Variants in DGKH observed in about 807,000 individuals in gnomAD.
The protein encoded by DGKH is diacylglycerol kinase eta, also known as DAG kinase eta.
Under a neutral mutation model 159.3 loss-of-function variants are expected in DGKH, and 90 were observed. That is an observed-to-expected ratio of 0.57 (90% CI 0.48 to 0.67). DGKH has a LOEUF of 0.67. DGKH is among the 30% of genes least tolerant of loss of function. DGKH has a pLI of 0.00. For synonymous variants in DGKH, 536 were observed against 553.8 expected (o/e 0.97, Z 0.45); for missense variants, 1,181 against 1,506.1 (o/e 0.78, Z 3.57).
At chr13:42,092,624 T>A (rs566506243) in intron 1 of DGKH, among the ~76,000 whole-genome samples, 13 of 152,034 alleles carry the variant, frequency 8.6e-5, no homozygotes, top group African/African-American at 2.9e-4. Flanking sequence ...GATGAAAGAG[T>A]CTGGTTAATG....
chr13:42,053,171 G>GA (rs943058791), intron 1 of DGKH, among the ~76,000 whole-genome samples: 3 of 151,270 alleles, frequency 2.0e-5, no homozygotes, highest in Non-Finnish European at 4.4e-5. Flanking sequence ...CCATCTCAAA[G>GA]AAAAAAACAA....
intron 14 of DGKH, among the ~76,000 whole-genome samples, chr13:42,188,412 A>G (rs1310343447): frequency 6.6e-6 from 1 of 152,076 alleles, no homozygotes; most frequent in Non-Finnish European, 1.5e-5. Flanking sequence ...ATCCTTGTGC[A>G]TTTTCCTTCC....
intron 1 of DGKH, among the ~76,000 whole-genome samples, chr13:42,095,501 G>A (rs531865926): frequency 6.6e-6 from 1 of 151,984 alleles, no homozygotes; most frequent in African/African-American, 2.4e-5. Flanking sequence ...AATACCTATT[G>A]GTAGAAGAAA....
chr13:42,114,172 T>G lies in DGKH; in HGVS notation c.193-13291T>G, dbSNP rs141292930. ...GATAAAAGCAGAATGGCTTTTAATT[T>G]GGGGGAAAAAAGTCCAGAATAGACA... On this transcript the variant is annotated intron_variant, in intron 1 of 29. Coordinates refer to ENST00000337343, the MANE Select transcript of DGKH (RefSeq NM_178009.5). 2.2e-4 allele frequency among the ~76,000 whole-genome samples: 33 copies of G among 152,128 alleles called. No individual in the cohort carries two copies. The East Asian group carries it at 6.4e-3, about 29-fold the overall frequency.
intron 25 of DGKH, 63 bp from the exon 26 acceptor site, chr13:42,215,512 G>A: frequency 2.4e-6 from 3 of 1,245,448 alleles, no homozygotes; most frequent in Non-Finnish European, 3.3e-6. Flanking sequence ...AATTTAAAGT[G>A]TTTATGGTAA....
Position 42,075,947 on chromosome 13 carries a change from A to T in DGKH, c.192+26982A>T, listed in dbSNP as rs185841580. 2.8e-3 allele frequency among the ~76,000 whole-genome samples: 430 copies of T among 152,330 alleles called. 3 individuals carry two copies. The highest frequency in any genetic ancestry group is 9.9e-3 in the African/African-American group (411 of 41,574). ...CAGTCTTAAACAATGTTATAATACC[A>T]TAAGCTTTAAGTATCATACAATAAT... On this transcript the variant is annotated intron_variant, in intron 1 of 29. Transcript: ENST00000337343.
intron 30 of DGKH, chr13:42,256,181 GTAA>G (rs1566241456): frequency 1.6e-6 from 2 of 1,222,992 alleles, no homozygotes; most frequent in African/African-American, 3.0e-5. Context: ...TCATGTTGCT[GTAA>G]CAGTTGGAGG....
In DGKH at chr13:42,069,947, G is replaced by A. The variant is rs927382027; in HGVS notation, c.192+20982G>A. On this transcript the variant is annotated intron_variant, in intron 1 of 29. Transcript: ENST00000337343. Reference sequence around the variant, plus strand: ...TCAGTGACATCAGACAGAGCTCTTGGATTAAGCTGAACTTCATCAATATCA... The same window carrying A: ...TCAGTGACATCAGACAGAGCTCTTGAATTAAGCTGAACTTCATCAATATCA... 3 of 729,410 alleles carry A rather than the reference G, an allele frequency of 4.1e-6. No homozygotes were observed. In the African/African-American group the frequency reaches 5.3e-5, roughly 13 times the overall value. The allele number at this position is 729,410 out of a possible 1,614,324, so 45.2% of individuals were successfully genotyped here.
intron 1 of DGKH, among the ~76,000 whole-genome samples, chr13:42,071,798 C>G (rs1882986862): frequency 6.6e-6 from 1 of 152,230 alleles, no homozygotes; most frequent in Admixed American, 6.5e-5. Flanking sequence ...AGGTCTCTGG[C>G]TGTGCTGGCG....
At chr13:42,075,492 T>A (rs1954076955) in intron 1 of DGKH, among the ~76,000 whole-genome samples, 1 of 152,230 alleles carries the variant, frequency 6.6e-6, no homozygotes. Flanking sequence ...CCATTGTTAA[T>A]CTGTATATAA....
chr13:42,173,550 T>C (rs1485977625), intron 11 of DGKH, among the ~76,000 whole-genome samples: 1 of 152,250 alleles, frequency 6.6e-6, no homozygotes, highest in Non-Finnish European at 1.5e-5. Context: ...ATTTTATGTA[T>C]GTATAAGCTG....
intron 26 of DGKH, among the ~76,000 whole-genome samples, chr13:42,218,502 C>CTTTT (rs56173082): frequency 1.1e-5 from 1 of 88,292 alleles, no homozygotes; most frequent in Non-Finnish European, 2.2e-5. Flanking sequence ...CATGTGGTGA[C>CTTTT]TTTTTTTTTT....
intron 3 of DGKH, chr13:42,140,963 G>A (rs1046412750): frequency 1.4e-5 from 2 of 141,532 alleles, no homozygotes; most frequent in African/African-American, 5.2e-5. Flanking sequence ...TAAGTTTTAG[G>A]GTACATGTGC....
chr13:42,242,005 A>G lies in DGKH; in HGVS notation c.*12817A>G, dbSNP rs1425872979. The G allele has an allele frequency of 6.6e-6, 1 of 152,222 alleles. No individual in the cohort carries two copies. Among genetic ancestry groups the G allele is most frequent in the Non-Finnish European group, 1.5e-5 (1 of 68,036 alleles). The allele number at this position is 152,222 out of a possible 1,614,324, so 9.4% of individuals were successfully genotyped here. ...GCATATTTTGAAGTCATTGTTTTCC[A>G]TCAGTATTAAGTATCATCCATTTCT... On this transcript the variant is annotated 3_prime_UTR_variant, in exon 30 of 30. Transcript: ENST00000337343.
At chr13:42,160,238 G>A in intron 7 of DGKH, 102 bp downstream of exon 7, 1 of 1,492,952 alleles carries the variant, frequency 6.7e-7, no homozygotes, top group Non-Finnish European at 9.3e-7. Flanking sequence ...TGACAGAGCT[G>A]AACCTGGTAG....
intron 1 of DGKH, among the ~76,000 whole-genome samples, chr13:42,090,496 A>C (rs1954395425): frequency 2.0e-5 from 3 of 152,206 alleles, no homozygotes; most frequent in Admixed American, 1.3e-4. Context: ...CCTGATTTCA[A>C]AACTTATAAA....
At chr13:42,068,942 T>C in intron 1 of DGKH, 1 of 1,418,832 alleles carries the variant, frequency 7.0e-7, no homozygotes, top group South Asian at 1.3e-5. Flanking sequence ...TTAGTTCAGA[T>C]GTTCAGAATG....
chr13:42,059,649 G>T lies in DGKH; in HGVS notation c.192+10684G>T, dbSNP rs1882001460. Among the ~76,000 whole-genome samples, 3 of 152,084 alleles carry T rather than the reference G, an allele frequency of 2.0e-5. No individual in the cohort carries two copies. The South Asian group carries it at 6.2e-4, about 32-fold the overall frequency. On this transcript the variant is annotated intron_variant, in intron 1 of 29. Coordinates refer to ENST00000337343, the MANE Select transcript of DGKH (RefSeq NM_178009.5). Reference sequence around the variant, plus strand: ...AGGTTGGCTTTTAGGTGCTTCTATGGCCTGTTCTATTTAATCTTGAAATAT... The same window carrying T: ...AGGTTGGCTTTTAGGTGCTTCTATGTCCTGTTCTATTTAATCTTGAAATAT...
At chr13:42,070,862 C>T (rs986764698) in intron 1 of DGKH, 2 of 1,299,600 alleles carry the variant, frequency 1.5e-6, no homozygotes, top group Non-Finnish European at 2.2e-6. Flanking sequence ...AACACTTTCA[C>T]AATGTTATCA....
Sources: allele counts gnomAD v4.1 joint callset (sites outside exome capture counted in the v4.1 genomes callset), GRCh38; gene constraint gnomAD v4.1.1; transcripts MANE v1.5; gene names NCBI Gene and HGNC (gene_info 2026-07-23, HGNC 2026-07-21).